UBAP1: variants seen among roughly 807,000 people sequenced by gnomAD.
UBAP1 encodes ubiquitin-associated protein 1.
A neutral mutation model predicts 39.0 loss-of-function variants in UBAP1; 5 were observed. That is an observed-to-expected ratio of 0.13 (90% CI 0.07 to 0.27). UBAP1 has a LOEUF of 0.27. Ranked by LOEUF, UBAP1 falls within the 10% of genes least tolerant of loss-of-function variation. The pLI is 1.00. For synonymous variants in UBAP1, 211 were observed against 225.1 expected (o/e 0.94, Z 0.56); for missense variants, 490 against 608.1 (o/e 0.81, Z 2.04).
At chr9:34,209,458 G>A (rs1831898124) in intron 1 of UBAP1, among the ~76,000 whole-genome samples, 1 of 152,068 alleles carries the variant, frequency 6.6e-6, no homozygotes, top group African/African-American at 2.4e-5. Flanking sequence ...TTTGCCTTTT[G>A]AGTGGTAATG....
intron 1 of UBAP1, among the ~76,000 whole-genome samples, chr9:34,212,598 TAGG>T (rs998991011): frequency 6.6e-6 from 1 of 152,134 alleles, no homozygotes; most frequent in African/African-American, 2.4e-5. Context: ...ATTTAGATAA[TAGG>T]AGAGTATTGT....
At chr9:34,180,390 C>A (rs974525899) in intron 1 of UBAP1, among the ~76,000 whole-genome samples, 2 of 152,062 alleles carry the variant, frequency 1.3e-5, no homozygotes, top group South Asian at 4.1e-4. Context: ...CGCCTGTAAT[C>A]CCAGCTACTC....
intron 1 of UBAP1, among the ~76,000 whole-genome samples, chr9:34,185,768 C>T (rs1830374432): frequency 1.3e-5 from 2 of 152,140 alleles, no homozygotes; most frequent in African/African-American, 4.8e-5. Flanking sequence ...ATTGCTTGAA[C>T]CTGGGAGGCG....
chr9:34,196,167 C>G (rs977125542), intron 1 of UBAP1, among the ~76,000 whole-genome samples: 132 of 151,280 alleles, frequency 8.7e-4, no homozygotes, highest in African/African-American at 3.0e-3. Context: ...GAGACCAGGT[C>G]TTGCTCTGAC....
chr9:34,205,907 G>C (rs1327441729), intron 1 of UBAP1, among the ~76,000 whole-genome samples: 1 of 152,120 alleles, frequency 6.6e-6, no homozygotes. Context: ...CAGGAGAATG[G>C]CATGAACCCC....
chr9:34,242,726 C>T (rs564859857), intron 4 of UBAP1, among the ~76,000 whole-genome samples: 14 of 152,150 alleles, frequency 9.2e-5, no homozygotes, highest in Admixed American at 3.3e-4. Flanking sequence ...GGTTTTACCA[C>T]GTTTCCGAGG....
intron 1 of UBAP1, among the ~76,000 whole-genome samples, chr9:34,196,100 A>G (rs1383926680): frequency 2.0e-5 from 3 of 151,292 alleles, no homozygotes; most frequent in African/African-American, 7.3e-5. Context: ...TTTTAAAATT[A>G]GCTTGCCAAG....
At chr9:34,206,592 A>C (rs973302076) in intron 1 of UBAP1, among the ~76,000 whole-genome samples, 3 of 151,990 alleles carry the variant, frequency 2.0e-5, no homozygotes, top group Non-Finnish European at 2.9e-5. Context: ...TAAAAAAAAA[A>C]CAAACCAAAA....
chr9:34,251,491 A>G lies in UBAP1; in HGVS notation c.1468A>G (p.Asn490Asp), dbSNP rs1847432461. The G allele has an allele frequency of 6.2e-7, 1 of 1,614,204 alleles. No individual in the cohort carries two copies. The highest frequency in any genetic ancestry group is 1.1e-5 in the South Asian group (1 of 91,082). The stretch of plus-strand genomic sequence containing the variant: ...GCTATTACACAACAATGACCAGGAC[A>G]ATGCTTTGGAAGACCTCATGGCTCG... ...VLLLHNNDQD[N>D]ALEDLMARAG... Residue 490 changes from asparagine to aspartate, a missense_variant, in exon 7 of 7, where the codon AAT (asparagine) becomes GAT (aspartate). Asn to Asp is a conservative substitution (Grantham distance 23, BLOSUM62 1). Coordinates refer to ENST00000297661, the MANE Select transcript of UBAP1 (RefSeq NM_016525.5).
At chr9:34,205,918 G>A (rs1831660226) in intron 1 of UBAP1, among the ~76,000 whole-genome samples, 1 of 152,168 alleles carries the variant, frequency 6.6e-6, no homozygotes, top group African/African-American at 2.4e-5. Context: ...CATGAACCCC[G>A]GAGGTGGAGG....
chr9:34,216,561 G>A (rs951382607), intron 1 of UBAP1, among the ~76,000 whole-genome samples: 4 of 151,174 alleles, frequency 2.6e-5, no homozygotes, highest in Non-Finnish European at 5.9e-5. Flanking sequence ...TGCGATCATA[G>A]CTCACTGCAG....
chr9:34,192,463 C>T (rs1039105194), intron 1 of UBAP1, among the ~76,000 whole-genome samples: 8 of 142,404 alleles, frequency 5.6e-5, no homozygotes, highest in African/African-American at 1.8e-4. Flanking sequence ...TGCAGTGAGC[C>T]GAGGTCACGC....
chr9:34,203,847 A>G (rs1275324305), intron 1 of UBAP1, among the ~76,000 whole-genome samples: 1 of 152,080 alleles, frequency 6.6e-6, no homozygotes, highest in African/African-American at 2.4e-5. Context: ...TGAGTTTTCA[A>G]GTTTTGTGAA....
intron 1 of UBAP1, among the ~76,000 whole-genome samples, chr9:34,203,963 T>C (rs541051974): frequency 6.6e-6 from 1 of 152,370 alleles, no homozygotes; most frequent in African/African-American, 2.4e-5. Context: ...CAAAAAATTA[T>C]ATTTGCAATT....
intron 4 of UBAP1, among the ~76,000 whole-genome samples, chr9:34,246,213 C>T (rs944668096): frequency 2.0e-5 from 3 of 152,122 alleles, no homozygotes; most frequent in South Asian, 2.1e-4. Context: ...ACTACAGGCA[C>T]GTGCCACCAC....
chr9:34,183,303 G>T (rs1004164861), intron 1 of UBAP1, among the ~76,000 whole-genome samples: 159 of 151,708 alleles, frequency 1.0e-3, no homozygotes, highest in Admixed American at 2.3e-3. Context: ...CAGCACTTTG[G>T]GGGGCCGAGG....
chr9:34,194,453 C>A (rs1021238346), intron 1 of UBAP1, among the ~76,000 whole-genome samples: 1 of 151,828 alleles, frequency 6.6e-6, no homozygotes, highest in African/African-American at 2.4e-5. Context: ...CAGCTGGGAC[C>A]ACAGGCACCT....
At chr9:34,249,374 T>G (rs886842955) in intron 4 of UBAP1, among the ~76,000 whole-genome samples, 3 of 152,062 alleles carry the variant, frequency 2.0e-5, no homozygotes, top group Non-Finnish European at 2.9e-5. Context: ...AACTGATACT[T>G]CAGCCTGGGA....
intron 3 of UBAP1, among the ~76,000 whole-genome samples, chr9:34,237,406 G>C (rs562622562): frequency 2.0e-5 from 3 of 152,048 alleles, no homozygotes; most frequent in Non-Finnish European, 2.9e-5. Context: ...ATTCACTAAG[G>C]CATCACCATT....
Sources: allele counts gnomAD v4.1 joint callset (sites outside exome capture counted in the v4.1 genomes callset), GRCh38; gene constraint gnomAD v4.1.1; transcripts MANE v1.5; gene names NCBI Gene and HGNC (gene_info 2026-07-23, HGNC 2026-07-21).